OR6A2: variants seen among roughly 807,000 people sequenced by gnomAD.
The protein encoded by OR6A2 is olfactory receptor family 6 subfamily A member 2.
In OR6A2, 6 loss-of-function variants were observed where a neutral mutation model predicts 7.1. That is an observed-to-expected ratio of 0.85 (90% CI 0.46 to 1.68). OR6A2 has a LOEUF of 1.68. Ranked by LOEUF, OR6A2 falls within the 40% of genes most tolerant of loss-of-function variation. The probability of loss-of-function intolerance (pLI) is 0.01; values close to 1 mark genes in which losing one functional copy is unlikely to be tolerated. For synonymous variants in OR6A2, 162 were observed against 152.1 expected (o/e 1.06, Z -0.48); for missense variants, 431 against 398.0 (o/e 1.08, Z -0.71).
rs375218865 is a variant in OR6A2 at position 6,795,349 on chromosome 11, G to A, written c.360C>T (p.Leu120=). 26 of 1,613,854 alleles carry A rather than the reference G, an allele frequency of 1.6e-5. No individual in the cohort carries two copies. The highest frequency in any genetic ancestry group is 3.3e-4 in the Middle Eastern group (2 of 6,082). ...TATAGCGATCATAGGCCATAACAGCGAGAAGGACACACTCAGTGCAGCCCA... is the reference window on the plus strand; with the variant it reads ...TATAGCGATCATAGGCCATAACAGCAAGAAGGACACACTCAGTGCAGCCCA... ...LGLGCTECVL[L]AVMAYDRYMA... The change falls in exon 2 of 2, where the codon CTC becomes CTT. Residue 120 remains leucine, a synonymous_variant. Coordinates refer to ENST00000641196, the MANE Select transcript of OR6A2 (RefSeq NM_003696.3).
In OR6A2 at chr11:6,795,543, G is replaced by A; in HGVS notation, c.166C>T (p.Leu56Phe). The change falls in exon 2 of 2, where the codon CTC (leucine) becomes TTC (phenylalanine). Residue 56 changes from leucine (L) to phenylalanine (F), a missense_variant. Coordinates refer to ENST00000641196, the MANE Select transcript of OR6A2 (RefSeq NM_003696.3). ...IIMAIRNHSTLHKPMYFFLAN... is the reference protein window; with the variant it reads ...IIMAIRNHSTFHKPMYFFLAN... ...AGAAAAAAGTACATGGGTTTGTGGA[G>A]GGTAGAATGGTTCCTAATTGCCATA... 1 of 1,614,100 alleles carries A rather than the reference G, an allele frequency of 6.2e-7. No homozygotes were observed. The highest frequency in any genetic ancestry group is 1.1e-5 in the South Asian group (1 of 91,076).
Position 6,795,685 on chromosome 11 carries a change from C to T in OR6A2, c.24G>A (p.Gly8=). 1.2e-6 allele frequency: 2 copies of T among 1,613,904 alleles called. No homozygotes were observed. Among genetic ancestry groups the T allele is most frequent in the Admixed American group, 1.7e-5 (1 of 59,978 alleles). MEWRNHS[G]RVSEFVLLGF... ...CCAGCAACACAAACTCACTCACTCT[C>T]CCACTATGGTTCCGCCACTCCATGT... Residue 8 remains glycine, a synonymous_variant, in exon 2 of 2, where the codon GGG becomes GGA. Transcript: ENST00000641196.
rs778988808 is a variant in OR6A2 at position 6,794,994 on chromosome 11, G to A, written c.715C>T (p.Arg239Cys). 69 of 1,613,968 alleles carry A rather than the reference G, an allele frequency of 4.3e-5. No homozygotes were observed. The highest frequency in any genetic ancestry group is 1.6e-4 in the Middle Eastern group (1 of 6,084). The change falls in exon 2 of 2, where the codon CGC (arginine) becomes TGC (cysteine). Residue 239 changes from arginine (R) to cysteine (C), a missense_variant. Arg to Cys is a radical substitution (Grantham distance 180). Transcript: ENST00000641196. The stretch of plus-strand genomic sequence containing the variant: ...GCACAGGTGGAAAAGGCCTTATAGC[G>A]TCCAGCAGCCGAAGGAATGTGCATC... ...AVMHIPSAAG[R>C]YKAFSTCASH... is the part of the protein sequence containing the mutation.
Position 6,795,527 on chromosome 11 carries a change from T to C in OR6A2, c.182A>G (p.Tyr61Cys). 6.2e-7 allele frequency: 1 copy of C among 1,614,028 alleles called. No individual in the cohort carries two copies. Among genetic ancestry groups the C allele is most frequent in the Non-Finnish European group, 8.5e-7 (1 of 1,179,976 alleles). ...AAAGGACATATTAGCTAGAAAAAAG[T>C]ACATGGGTTTGTGGAGGGTAGAATG... ...RNHSTLHKPM[Y>C]FFLANMSFLE... Residue 61 changes from tyrosine to cysteine, a missense_variant, in exon 2 of 2, where the codon TAC becomes TGC. Coordinates refer to ENST00000641196, the MANE Select transcript of OR6A2 (RefSeq NM_003696.3).
chr11:6,798,402 T>C (rs1466758722), intron 1 of OR6A2, among the ~76,000 whole-genome samples: 1 of 152,196 alleles, frequency 6.6e-6, no homozygotes, highest in African/African-American at 2.4e-5. Context: ...CCTTTTCTTC[T>C]GTCCTATTTC....
chr11:6,797,481 A>G (rs952197305), intron 1 of OR6A2, among the ~76,000 whole-genome samples: 4 of 151,734 alleles, frequency 2.6e-5, no homozygotes, highest in Admixed American at 6.6e-5. Context: ...TACCTCATAA[A>G]CCCTTCTTTT....
intron 1 of OR6A2, 67 bp downstream of exon 1, chr11:6,799,477 T>A (rs539180258): frequency 6.6e-6 from 1 of 152,182 alleles, no homozygotes; most frequent in Non-Finnish European, 1.5e-5. Flanking sequence ...ATATTAGACA[T>A]AAGTAAAGAA....
Position 6,795,853 on chromosome 11 carries a change from GC to G in OR6A2, c.-146del. On this transcript the variant is annotated 5_prime_UTR_variant, in exon 2 of 2. Transcript: ENST00000641196. ...TCATGTAATTAATCACTGAGCTGAG[GC>G]CACTGCTCTCTTCTTTAATCTGGAA... 1.5e-6 allele frequency: 1 copy of G among 658,960 alleles called. No individual in the cohort carries two copies. Among genetic ancestry groups the G allele is most frequent in the Non-Finnish European group, 2.6e-6 (1 of 378,718 alleles). The allele number at this position is 658,960 out of a possible 1,614,324, so 40.8% of individuals were successfully genotyped here. A position where few individuals can be genotyped will look rare whatever the true frequency, so the allele number is the denominator to read the frequency against.
chr11:6,794,813 T>C lies in OR6A2; in HGVS notation c.896A>G (p.Asn299Ser). 1.9e-6 allele frequency: 3 copies of C among 1,614,120 alleles called. No individual in the cohort carries two copies. The highest frequency in any genetic ancestry group is 2.5e-6 in the Non-Finnish European group (3 of 1,179,996). Reference protein sequence around the residue: ...LLNPIIYCLRNQEVKRALCCT... With the variant: ...LLNPIIYCLRSQEVKRALCCT... The stretch of plus-strand genomic sequence containing the variant: ...GCATAGGGCTCTCTTGACCTCTTGA[T>C]TGCGCAGGCAGTAAATGATGGGATT... Residue 299 changes from asparagine (N) to serine (S), a missense_variant, in exon 2 of 2, where the codon AAT (asparagine) becomes AGT (serine). Physicochemically the swap from Asn to Ser is conservative, Grantham distance 46. Coordinates refer to ENST00000641196, the MANE Select transcript of OR6A2 (RefSeq NM_003696.3).
chr11:6,793,417 T>G lies in OR6A2; in HGVS notation c.*1308A>C, dbSNP rs988488797. The stretch of plus-strand genomic sequence containing the variant: ...TTCACTGTCTTCAGAGTTCTGGTTG[T>G]CGGGTGACAGTAGGGAGCTAAATTT... On this transcript the variant is annotated 3_prime_UTR_variant, in exon 2 of 2. Coordinates refer to ENST00000641196, the MANE Select transcript of OR6A2 (RefSeq NM_003696.3). The G allele has an allele frequency of 2.6e-5, 4 of 152,188 alleles. No individual in the cohort carries two copies. The highest frequency in any genetic ancestry group is 9.6e-5 in the African/African-American group (4 of 41,452). 9.4% of individuals were successfully genotyped at this position (152,188 alleles called of 1,614,324 possible). A position where few individuals can be genotyped will look rare whatever the true frequency, so the allele number is the denominator to read the frequency against.
At position 6,795,723 on chromosome 11, in the gene OR6A2, T is replaced by C. The variant is rs758757625; in HGVS notation, c.-15A>G. 2 of 1,611,706 alleles carry C rather than the reference T, an allele frequency of 1.2e-6. No individual in the cohort carries two copies. Among genetic ancestry groups the C allele is most frequent in the East Asian group, 2.2e-5 (1 of 44,864 alleles). On this transcript the variant is annotated 5_prime_UTR_variant, in exon 2 of 2. Transcript: ENST00000641196. ...CGCCACTCCATGTCATTGGTCTCTC[T>C]TACTGCTCTTCAGGAGATGAGAGTA... is the stretch of plus-strand genomic sequence containing the variant.
intron 1 of OR6A2, 128 bp from the exon 2 acceptor site, chr11:6,796,012 A>G (rs1304912624): frequency 3.6e-6 from 1 of 276,896 alleles, no homozygotes; most frequent in African/African-American, 2.1e-5. Flanking sequence ...TTTGTCCCCA[A>G]AGAACATAGA....
Position 6,795,463 on chromosome 11 carries a change from C to T in OR6A2, c.246G>A (p.Met82Ile), listed in dbSNP as rs954903375. The T allele has an allele frequency of 2.5e-6, 4 of 1,614,114 alleles. No homozygotes were observed. In the East Asian group the frequency reaches 8.9e-5, roughly 36 times the overall value. The change falls in exon 2 of 2, where the codon ATG (methionine) becomes ATA (isoleucine). Residue 82 changes from methionine (M) to isoleucine (I), a missense_variant. By Grantham distance (10) the Met-to-Ile change is conservative. Coordinates refer to ENST00000641196, the MANE Select transcript of OR6A2 (RefSeq NM_003696.3). ...GTTTGGATCCAACAAAGCCAGCAAG[C>T]ATCTTGGGAATAGTGACAGTGACAT... is the stretch of plus-strand genomic sequence containing the variant. The part of the protein sequence containing the change: ...IWYVTVTIPK[M>I]LAGFVGSKQD...
intron 1 of OR6A2, among the ~76,000 whole-genome samples, chr11:6,799,028 G>A (rs1395508331): frequency 6.6e-6 from 1 of 152,204 alleles, no homozygotes; most frequent in Non-Finnish European, 1.5e-5. Context: ...AAAGGATTTT[G>A]GTGGAAATGG....
At chr11:6,795,908 ATGT>A in intron 1 of OR6A2, 24 bp from the exon 2 acceptor site, 1 of 520,514 alleles carries the variant, frequency 1.9e-6, no homozygotes, top group East Asian at 3.0e-5. Flanking sequence ...ACAAAAATAA[ATGT>A]TTTTTTTTTT....
rs888169993 is a variant in OR6A2 at position 6,793,086 on chromosome 11, G to A, written c.*1639C>T. The A allele has an allele frequency of 2.0e-5, 3 of 152,084 alleles. No homozygotes were observed. The highest frequency in any genetic ancestry group is 7.2e-5 in the African/African-American group (3 of 41,406). The allele number at this position is 152,084 out of a possible 1,614,324, so 9.4% of individuals were successfully genotyped here. ...AAGAGTTGTAATAACAATGCCTAGA[G>A]GAGGACTCTCCCATCCCTGATCACA... On this transcript the variant is annotated 3_prime_UTR_variant, in exon 2 of 2. Coordinates refer to ENST00000641196, the MANE Select transcript of OR6A2 (RefSeq NM_003696.3).
Position 6,795,426 on chromosome 11 carries a change from G to C in OR6A2, c.283C>G (p.Gln95Glu). The stretch of plus-strand genomic sequence containing the variant: ...ATGCATCCCTCAAAGGAGATTAGCT[G>C]TCCATGATCCTGTTTGGATCCAACA... ...GFVGSKQDHG[Q>E]LISFEGCMTQ... Residue 95 changes from glutamine to glutamate, a missense_variant, in exon 2 of 2, where the codon CAG becomes GAG. Physicochemically the swap from Gln to Glu is conservative, Grantham distance 29. Coordinates refer to ENST00000641196, the MANE Select transcript of OR6A2 (RefSeq NM_003696.3). 2 of 1,614,160 alleles carry C rather than the reference G, an allele frequency of 1.2e-6. No individual in the cohort carries two copies. The highest frequency in any genetic ancestry group is 1.7e-6 in the Non-Finnish European group (2 of 1,180,018).
At chr11:6,796,175 T>A (rs1847748019) in intron 1 of OR6A2, among the ~76,000 whole-genome samples, 1 of 152,216 alleles carries the variant, frequency 6.6e-6, no homozygotes, top group African/African-American at 2.4e-5. Flanking sequence ...ACAGGCACTG[T>A]TATTATTGCA....
At position 6,799,675 on chromosome 11, in the gene OR6A2, C is replaced by T. The variant is rs1847781772; in HGVS notation, c.-308G>A. The T allele has an allele frequency of 6.6e-6, 1 of 152,170 alleles. No individual in the cohort carries two copies. The highest frequency in any genetic ancestry group is 1.5e-5 in the Non-Finnish European group (1 of 68,030). 9.4% of individuals were successfully genotyped at this position (152,170 alleles called of 1,614,324 possible). A position where few individuals can be genotyped will look rare whatever the true frequency, so the allele number is the denominator to read the frequency against. On this transcript the variant is annotated 5_prime_UTR_variant, in exon 1 of 2. Coordinates refer to ENST00000641196, the MANE Select transcript of OR6A2 (RefSeq NM_003696.3). Reference sequence around the variant, plus strand: ...AGATGATACAGAGATTCCACTTTCTCTTCCTCCCATAGATAGAGAACACTG... The same window carrying T: ...AGATGATACAGAGATTCCACTTTCTTTTCCTCCCATAGATAGAGAACACTG...
Sources: allele counts gnomAD v4.1 joint callset (sites outside exome capture counted in the v4.1 genomes callset), GRCh38; gene constraint gnomAD v4.1.1; transcripts MANE v1.5; gene names NCBI Gene and HGNC (gene_info 2026-07-23, HGNC 2026-07-21).